Variants in SERPINH1 observed in about 807,000 individuals in gnomAD.
SERPINH1 encodes the protein serpin H1.
SERPINH1 carries 22 observed loss-of-function variants against 32.3 expected under a neutral mutation model. The observed-to-expected ratio is 0.68, with a 90% CI of 0.49 to 0.97. The LOEUF (loss-of-function observed/expected upper bound fraction) is 0.97, where lower values mean the gene tolerates loss of function less well. Ranked by LOEUF, SERPINH1 falls within the 50% of genes least tolerant of loss-of-function variation. The pLI, the probability that SERPINH1 is intolerant of heterozygous loss-of-function variation, is 0.00. For synonymous variants in SERPINH1, 251 were observed against 245.9 expected (o/e 1.02, Z -0.19); for missense variants, 543 against 576.4 (o/e 0.94, Z 0.59).
intron 1 of SERPINH1, 142 bp from the exon 2 acceptor site, chr11:75,566,174 C>G (rs149846715): frequency 2.8e-6 from 2 of 723,408 alleles, no homozygotes; most frequent in African/African-American, 3.5e-5. Context: ...GCTGGCAGCT[C>G]TGAGTCAAGT....
intron 2 of SERPINH1, chr11:75,568,445 G>T: frequency 8.2e-6 from 4 of 490,336 alleles, no homozygotes; most frequent in Non-Finnish European, 3.8e-6. Context: ...GGTGGCCATA[G>T]AGGTGGCTGA....
chr11:75,568,585 G>A (rs1329670355), intron 2 of SERPINH1, 146 bp from the exon 3 acceptor site: 1 of 697,458 alleles, frequency 1.4e-6, no homozygotes, highest in African/African-American at 1.8e-5. Flanking sequence ...TCTGTGGGCT[G>A]GGTGCTCTAT....
intron 4 of SERPINH1, among the ~76,000 whole-genome samples, chr11:75,570,775 G>A (rs1361195512): frequency 6.6e-6 from 1 of 152,198 alleles, no homozygotes; most frequent in Non-Finnish European, 1.5e-5. Context: ...CATGGGCCCC[G>A]CCCTCAGGGA....
rs1389057885 is a variant in SERPINH1, at chr11:75,566,180, C to T, written c.-34-136C>T. On this transcript the variant is annotated intron_variant, in intron 1 of 4. Coordinates refer to ENST00000358171, the MANE Select transcript of SERPINH1 (RefSeq NM_001235.5). ...CTCTGAGAGGCTGGCAGCTCTGAGTCAAGTCTGGGATTCCTGGACTGTGGG... is the reference window on the plus strand; with the variant it reads ...CTCTGAGAGGCTGGCAGCTCTGAGTTAAGTCTGGGATTCCTGGACTGTGGG... The T allele has an allele frequency of 8.0e-6, 6 of 752,122 alleles. No individual in the cohort carries two copies. In the East Asian group the frequency reaches 1.6e-4, roughly 20 times the overall value. The allele number at this position is 752,122 out of a possible 1,614,324, so 46.6% of individuals were successfully genotyped here.
At chr11:75,571,676 TCTCTC>T in intron 4 of SERPINH1, 100 bp from the exon 5 acceptor site, 1 of 1,036,482 alleles carries the variant, frequency 9.6e-7, no homozygotes, top group South Asian at 1.3e-5. Context: ...AGGGGGTGGT[TCTCTC>T]CTCTCTGAGG....
chr11:75,566,466 G>A lies in SERPINH1; in HGVS notation c.117G>A (p.Lys39=), dbSNP rs746583288. 6.2e-7 allele frequency: 1 copy of A among 1,612,326 alleles called. No individual in the cohort carries two copies. The highest frequency in any genetic ancestry group is 1.3e-5 in the African/African-American group (1 of 74,950). ...GCACTGCGGAGAAGTTGAGCCCCAA[G>A]GCGGCCACGCTTGCCGAGCGCAGCG... ...APGTAEKLSP[K]AATLAERSAG... The change falls in exon 2 of 5, where the codon AAG becomes AAA. Residue 39 remains lysine (K), a synonymous_variant. Transcript: ENST00000358171.
At position 75,572,087 on chromosome 11, in the gene SERPINH1, C is replaced by T. The variant is rs550152153; in HGVS notation, c.*4C>T. 2 of 1,613,826 alleles carry T rather than the reference C, an allele frequency of 1.2e-6. No individual in the cohort carries two copies. The highest frequency in any genetic ancestry group is 1.7e-5 in the Admixed American group (1 of 59,996). ...CAAGATGCGAGACGAGTTATAGGGC[C>T]TCAGGGTGCACACAGGATGGCAGGA... On this transcript the variant is annotated 3_prime_UTR_variant, in exon 5 of 5. Coordinates refer to ENST00000358171, the MANE Select transcript of SERPINH1 (RefSeq NM_001235.5).
chr11:75,567,585 G>A (rs1196904455), intron 2 of SERPINH1, among the ~76,000 whole-genome samples: 2 of 152,212 alleles, frequency 1.3e-5, no homozygotes, highest in African/African-American at 4.8e-5. Context: ...GCCTCCCAAA[G>A]TGCTGGGATT....
Position 75,566,817 on chromosome 11 carries a change from C to T in SERPINH1, c.468C>T (p.Cys156=), listed in dbSNP as rs1485550302. The T allele has an allele frequency of 6.2e-7, 1 of 1,613,112 alleles. No individual in the cohort carries two copies. Among genetic ancestry groups the T allele is most frequent in the Admixed American group, 1.7e-5 (1 of 60,032 alleles). Residue 156 remains cysteine (C), a synonymous_variant, in exon 2 of 5, where the codon TGC becomes TGT. Transcript: ENST00000358171. ...FVRSSKQHYN[C]EHSKINFRDK... ...GCAGCAGCAAGCAGCACTACAACTGCGAGCACTCCAAGATCAACTTCCGCG... is the reference window on the plus strand; with the variant it reads ...GCAGCAGCAAGCAGCACTACAACTGTGAGCACTCCAAGATCAACTTCCGCG...
rs1217046586 is a variant in SERPINH1 at position 75,572,444 on chromosome 11, C to T, written c.*361C>T. ...ACCAAATTGAGCTAGGGGGGTCAGC[C>T]AGCCCTCTTCTGACACTAAAACACC... On this transcript the variant is annotated 3_prime_UTR_variant, in exon 5 of 5. Transcript: ENST00000358171. The T allele has an allele frequency of 5.6e-6, 2 of 354,952 alleles. No individual in the cohort carries two copies. 22.0% of individuals were successfully genotyped at this position (354,952 alleles called of 1,614,324 possible). A position where few individuals can be genotyped will look rare whatever the true frequency, so the allele number is the denominator to read the frequency against.
chr11:75,569,818 G>T (rs1373308507), intron 4 of SERPINH1, among the ~76,000 whole-genome samples: 1 of 152,130 alleles, frequency 6.6e-6, no homozygotes, highest in African/African-American at 2.4e-5. Flanking sequence ...GCTCAGAAAG[G>T]TTAAGTAACC....
rs1429500698 is a variant in SERPINH1, at chr11:75,566,828, A to G, written c.479A>G (p.Lys160Arg). Residue 160 changes from lysine (K) to arginine (R), a missense_variant, in exon 2 of 5, where the codon AAG becomes AGG. Lys to Arg is a conservative substitution (Grantham distance 26). Transcript: ENST00000358171. ...SKQHYNCEHS[K>R]INFRDKRSAL... ...CAGCACTACAACTGCGAGCACTCCA[A>G]GATCAACTTCCGCGACAAGCGCAGC... 11 of 1,612,898 alleles carry G rather than the reference A, an allele frequency of 6.8e-6. No homozygotes were observed. The highest frequency in any genetic ancestry group is 9.3e-6 in the Non-Finnish European group (11 of 1,179,980).
At chr11:75,563,016 G>A (rs11236457) in intron 1 of SERPINH1, 5,882 of 152,348 alleles carry the variant, frequency 0.039, 235 homozygotes, top group African/African-American at 0.095. Flanking sequence ...AGAGAGTGGG[G>A]GTCAGCAGGG....
At position 75,572,068 on chromosome 11, in the gene SERPINH1, G is replaced by A; in HGVS notation, c.1242G>A (p.Met414Ile). The A allele has an allele frequency of 6.2e-7, 1 of 1,614,148 alleles. No individual in the cohort carries two copies. The highest frequency in any genetic ancestry group is 1.1e-5 in the South Asian group (1 of 91,088). ...TGGTCCGGCCTAAGGGTGACAAGAT[G>A]CGAGACGAGTTATAGGGCCTCAGGG... ...GRLVRPKGDKMRDEL is the reference protein window; with the variant it reads ...GRLVRPKGDKIRDEL The change falls in exon 5 of 5, where the codon ATG becomes ATA. Residue 414 changes from methionine to isoleucine, a missense_variant. Transcript: ENST00000358171.
At chr11:75,571,125 C>T (rs1942188869) in intron 4 of SERPINH1, among the ~76,000 whole-genome samples, 1 of 152,046 alleles carries the variant, frequency 6.6e-6, no homozygotes, top group African/African-American at 2.4e-5. Flanking sequence ...TAACTTTTTA[C>T]TATCGAACAT....
intron 1 of SERPINH1, chr11:75,563,607 G>A (rs1592197585): frequency 6.5e-6 from 1 of 152,688 alleles, no homozygotes; most frequent in East Asian, 1.9e-4. Flanking sequence ...TTTACAGTGA[G>A]GTGGTCGATC....
At chr11:75,568,507 T>C in intron 2 of SERPINH1, 1 of 611,734 alleles carries the variant, frequency 1.6e-6, no homozygotes, top group Non-Finnish European at 3.0e-6. Context: ...GCACTGACTG[T>C]AGGGAACCGC....
intron 2 of SERPINH1, chr11:75,567,688 C>T (rs577634534): frequency 6.6e-6 from 1 of 152,462 alleles, no homozygotes; most frequent in African/African-American, 2.4e-5. Flanking sequence ...AGTGAGGAAA[C>T]TGAGGCTCAG....
intron 4 of SERPINH1, chr11:75,569,385 C>T: frequency 3.4e-6 from 2 of 587,514 alleles, no homozygotes; most frequent in Non-Finnish European, 6.1e-6. Context: ...CGGAACATTC[C>T]TGTATGCTAG....
Sources: allele counts gnomAD v4.1 joint callset (sites outside exome capture counted in the v4.1 genomes callset), GRCh38; gene constraint gnomAD v4.1.1; transcripts MANE v1.5; gene names NCBI Gene and HGNC (gene_info 2026-07-23, HGNC 2026-07-21).